The following CNTN4 variants were observed in gnomAD, a reference collection of about 807,000 sequenced individuals.
CNTN4 encodes the protein contactin-4.
In CNTN4, 77 loss-of-function variants were observed where a neutral mutation model predicts 122.5. The ratio of observed to expected loss-of-function variants is 0.63; its 90% CI spans 0.52 to 0.76. The LOEUF (loss-of-function observed/expected upper bound fraction) is 0.76, where lower values mean the gene tolerates loss of function less well. CNTN4 is among the 30% of genes least tolerant of loss of function. CNTN4 has a pLI of 0.00. For synonymous variants in CNTN4, 512 were observed against 447.0 expected, an observed-to-expected ratio of 1.15 and a Z score of -1.83; for missense variants, 1,256 against 1,259.1, an observed-to-expected ratio of 1.00 and a Z score of 0.04.
At chr3:2,149,966 G>A (rs1574944824) in intron 2 of CNTN4, among the ~76,000 whole-genome samples, 1 of 110,316 alleles carries the variant, frequency 9.1e-6, no homozygotes, top group African/African-American at 3.3e-5. Flanking sequence ...GGTGGGCATA[G>A]CTTTTTTTTT....
intron 6 of CNTN4, among the ~76,000 whole-genome samples, chr3:2,756,246 C>T (rs2090333026): frequency 6.6e-6 from 1 of 152,158 alleles, no homozygotes; most frequent in Admixed American, 6.5e-5. Flanking sequence ...TGTTGAAATC[C>T]TAACCCCAGT....
chr3:2,349,488 A>T (rs1311335388), intron 3 of CNTN4, among the ~76,000 whole-genome samples: 4 of 152,182 alleles, frequency 2.6e-5, no homozygotes, highest in Non-Finnish European at 5.9e-5. Context: ...TATCCTCTTT[A>T]AAAGTGGTCT....
At chr3:2,392,976 CA>C (rs1249840018) in intron 3 of CNTN4, among the ~76,000 whole-genome samples, 1 of 152,160 alleles carries the variant, frequency 6.6e-6, no homozygotes, top group Non-Finnish European at 1.5e-5. Flanking sequence ...CAAAGTACCA[CA>C]AACTGAGTGG....
At chr3:2,540,219 A>G (rs577965769) in intron 3 of CNTN4, among the ~76,000 whole-genome samples, 2 of 152,074 alleles carry the variant, frequency 1.3e-5, no homozygotes, top group South Asian at 2.1e-4. Flanking sequence ...TTGGAAGTTT[A>G]TTTCCTTTTG....
chr3:2,213,570 C>T (rs1178207221), intron 2 of CNTN4, among the ~76,000 whole-genome samples: 1 of 152,132 alleles, frequency 6.6e-6, no homozygotes, highest in Non-Finnish European at 1.5e-5. Context: ...AATATATAAA[C>T]TCAAGTTGCC....
intron 2 of CNTN4, among the ~76,000 whole-genome samples, chr3:2,101,134 C>T (rs2031914619): frequency 6.6e-6 from 1 of 152,188 alleles, no homozygotes; most frequent in Admixed American, 6.5e-5. Context: ...GATTAGAGAA[C>T]AAACCTTTCA....
intron 4 of CNTN4, among the ~76,000 whole-genome samples, chr3:2,678,841 T>C (rs1414790778): frequency 1.3e-5 from 2 of 152,196 alleles, no homozygotes; most frequent in African/African-American, 4.8e-5. Context: ...GCATGGCTTT[T>C]CTCTTGCCCT....
intron 4 of CNTN4, among the ~76,000 whole-genome samples, chr3:2,637,700 G>T (rs945864469): frequency 6.6e-6 from 1 of 152,030 alleles, no homozygotes. Flanking sequence ...ATCCTATAAA[G>T]CCTGTATGTT....
At chr3:2,433,461 CA>C (rs1397082818) in intron 3 of CNTN4, among the ~76,000 whole-genome samples, 1 of 150,148 alleles carries the variant, frequency 6.7e-6, no homozygotes, top group Non-Finnish European at 1.5e-5. Context: ...TTAGGTGGCT[CA>C]TTTTTTTATT....
At chr3:2,341,399 T>C (rs771167197) in intron 3 of CNTN4, among the ~76,000 whole-genome samples, 4 of 152,242 alleles carry the variant, frequency 2.6e-5, no homozygotes, top group Non-Finnish European at 4.4e-5. Flanking sequence ...TTGTTCTTCA[T>C]GGTATTCCAA....
At chr3:2,955,889 C>A (rs572055969) in intron 13 of CNTN4, among the ~76,000 whole-genome samples, 53 of 152,162 alleles carry the variant, frequency 3.5e-4, no homozygotes, top group African/African-American at 1.3e-3. Context: ...CATGACATGT[C>A]CTCAAAAAAA....
intron 2 of CNTN4, among the ~76,000 whole-genome samples, chr3:2,104,636 G>T (rs919623997): frequency 6.6e-6 from 1 of 152,180 alleles, no homozygotes; most frequent in Non-Finnish European, 1.5e-5. Context: ...GGAAGTGGTT[G>T]TCATGACTTC....
chr3:3,009,807 T>C (rs1697043694), intron 14 of CNTN4, among the ~76,000 whole-genome samples: 1 of 152,198 alleles, frequency 6.6e-6, no homozygotes, highest in African/African-American at 2.4e-5. Flanking sequence ...CTCACAGTTG[T>C]TGGCCCATAT....
At chr3:2,278,562 AG>A (rs1212791623) in intron 2 of CNTN4, among the ~76,000 whole-genome samples, 1 of 152,230 alleles carries the variant, frequency 6.6e-6, no homozygotes, top group Non-Finnish European at 1.5e-5. Context: ...AGTTGTTGAA[AG>A]AGAAGTATAC....
intron 2 of CNTN4, among the ~76,000 whole-genome samples, chr3:2,245,731 T>C (rs1399143019): frequency 6.6e-6 from 1 of 152,038 alleles, no homozygotes; most frequent in Non-Finnish European, 1.5e-5. Flanking sequence ...AATTTGTAAA[T>C]TTAACCTAAT....
At chr3:2,750,877 T>C (rs1253086629) in intron 6 of CNTN4, among the ~76,000 whole-genome samples, 1 of 152,140 alleles carries the variant, frequency 6.6e-6, no homozygotes, top group Non-Finnish European at 1.5e-5. Flanking sequence ...TCAAGCACGT[T>C]CTGATGGTCC....
At chr3:2,216,173 G>A (rs1327369868) in intron 2 of CNTN4, among the ~76,000 whole-genome samples, 1 of 152,102 alleles carries the variant, frequency 6.6e-6, no homozygotes, top group East Asian at 1.9e-4. Flanking sequence ...AAGAAAATGT[G>A]GAACATATAC....
At chr3:2,950,312 C>CAT (rs930028670) in intron 13 of CNTN4, among the ~76,000 whole-genome samples, 30 of 152,340 alleles carry the variant, frequency 2.0e-4, no homozygotes, top group African/African-American at 7.2e-4. Flanking sequence ...CTGGCATCTG[C>CAT]ATCCTCCCAG....
intron 4 of CNTN4, among the ~76,000 whole-genome samples, chr3:2,598,765 G>C (rs1001287337): frequency 2.0e-5 from 3 of 151,836 alleles, no homozygotes; most frequent in Non-Finnish European, 4.4e-5. Flanking sequence ...GTGTTTATTT[G>C]TGCATGTAGA....
Sources: allele counts gnomAD v4.1 joint callset (sites outside exome capture counted in the v4.1 genomes callset), GRCh38; gene constraint gnomAD v4.1.1; transcripts MANE v1.5; gene names NCBI Gene and HGNC (gene_info 2026-07-23, HGNC 2026-07-21).